GRXCR1: variants seen among roughly 807,000 people sequenced by gnomAD.
GRXCR1 encodes glutaredoxin and cysteine rich domain containing 1.
A neutral mutation model predicts 27.3 loss-of-function variants in GRXCR1; 27 were observed. The observed-to-expected ratio is 0.99, with a 90% CI of 0.73 to 1.37. The LOEUF is 1.37. GRXCR1 is among the 40% of genes most tolerant of loss of function. The pLI is 0.00. For synonymous variants in GRXCR1, 122 were observed against 131.1 expected (o/e 0.93, Z 0.47); for missense variants, 379 against 354.4 (o/e 1.07, Z -0.56).
chr4:43,030,323 T>A (rs1713385686), intron 3 of GRXCR1, 38 bp from the exon 4 acceptor site: 3 of 1,592,646 alleles, frequency 1.9e-6, no homozygotes, highest in African/African-American at 1.3e-5. Flanking sequence ...TGCTAACACA[T>A]CCTCTGTTTT....
intron 2 of GRXCR1, among the ~76,000 whole-genome samples, chr4:42,997,778 A>G (rs527897125): frequency 1.6e-4 from 25 of 152,134 alleles, no homozygotes; most frequent in African/African-American, 4.6e-4. Flanking sequence ...TGCTTTTTCC[A>G]TGGAAACCAC....
In GRXCR1 at chr4:42,993,983, C is replaced by T. The variant is rs75318035; in HGVS notation, c.628-26371C>T. 7.0e-3 allele frequency among the ~76,000 whole-genome samples: 1,063 copies of T among 152,122 alleles called. 17 individuals carry two copies. The highest frequency in any genetic ancestry group is 0.062 in the East Asian group (322 of 5,176). ...GATCGTAAGTCATTATTTGATAATGCCAGCACAAGGAGGCTTTGAAGTAAC... is the reference window on the plus strand; with the variant it reads ...GATCGTAAGTCATTATTTGATAATGTCAGCACAAGGAGGCTTTGAAGTAAC... On this transcript the variant is annotated intron_variant, in intron 2 of 3. Transcript: ENST00000399770.
At chr4:42,925,276 G>A (rs999644644) in intron 1 of GRXCR1, among the ~76,000 whole-genome samples, 1 of 151,972 alleles carries the variant, frequency 6.6e-6, no homozygotes, top group African/African-American at 2.4e-5. Context: ...GTGAAGAATT[G>A]GTTGGGGGGC....
At chr4:42,941,375 A>C (rs1266918836) in intron 1 of GRXCR1, among the ~76,000 whole-genome samples, 1 of 152,046 alleles carries the variant, frequency 6.6e-6, no homozygotes, top group Non-Finnish European at 1.5e-5. Flanking sequence ...GCTAAGTTTG[A>C]CTTTCAGAGG....
intron 1 of GRXCR1, among the ~76,000 whole-genome samples, chr4:42,935,851 A>T (rs1040073628): frequency 2.0e-5 from 3 of 151,956 alleles, no homozygotes; most frequent in Non-Finnish European, 4.4e-5. Context: ...CAAAAGTTGT[A>T]CAATGACCAT....
chr4:42,898,662 T>A (rs1436808484), intron 1 of GRXCR1, among the ~76,000 whole-genome samples: 1 of 152,100 alleles, frequency 6.6e-6, no homozygotes, highest in Non-Finnish European at 1.5e-5. Context: ...TTATGTGCAT[T>A]GATATTTATT....
At chr4:42,910,782 C>T (rs1213072873) in intron 1 of GRXCR1, among the ~76,000 whole-genome samples, 1 of 152,142 alleles carries the variant, frequency 6.6e-6, no homozygotes, top group Non-Finnish European at 1.5e-5. Context: ...TATACCAATA[C>T]AGGTATCCTA....
chr4:42,989,296 C>G (rs899241009), intron 2 of GRXCR1, among the ~76,000 whole-genome samples: 1 of 152,062 alleles, frequency 6.6e-6, no homozygotes, highest in Non-Finnish European at 1.5e-5. Flanking sequence ...GGTGTCCTCA[C>G]GTGGCCTTTT....
rs1746286616 is a variant in GRXCR1, at chr4:42,893,722, G to GCCTCTC, written c.384+72_384+73insCCTCTC. 89 of 1,440,914 alleles carry GCCTCTC rather than the reference G, an allele frequency of 6.2e-5. No individual in the cohort carries two copies. The South Asian group carries it at 9.5e-4, about 15-fold the overall frequency. The allele number at this position is 1,440,914 out of a possible 1,614,324, so 89.3% of individuals were successfully genotyped here. A position where few individuals can be genotyped will look rare whatever the true frequency, so the allele number is the denominator to read the frequency against. On this transcript the variant is annotated intron_variant, in intron 1 of 3. Coordinates refer to ENST00000399770, the MANE Select transcript of GRXCR1 (RefSeq NM_001080476.3). ...CATCTGAACACCTCTCAGTTCTCCA[G>GCCTCTC]TTAAAGCAAGCCTCTCTTATTTGCA...
At position 42,893,167 on chromosome 4, in the gene GRXCR1, A is replaced by G. The variant is rs1264396695; in HGVS notation, c.-100A>G. On this transcript the variant is annotated 5_prime_UTR_variant, in exon 1 of 4. Coordinates refer to ENST00000399770, the MANE Select transcript of GRXCR1 (RefSeq NM_001080476.3). Reference sequence around the variant, plus strand: ...ATGTTAGTTTCACAGGAGTGCTGCCATCACTAGAATTGGCTCTGATATTGC... The same window carrying G: ...ATGTTAGTTTCACAGGAGTGCTGCCGTCACTAGAATTGGCTCTGATATTGC... 6 of 1,272,872 alleles carry G rather than the reference A, an allele frequency of 4.7e-6. No individual in the cohort carries two copies. Among genetic ancestry groups the G allele is most frequent in the Admixed American group, 1.7e-5 (1 of 59,450 alleles). The allele number at this position is 1,272,872 out of a possible 1,614,324, so 78.8% of individuals were successfully genotyped here. A position where few individuals can be genotyped will look rare whatever the true frequency, so the allele number is the denominator to read the frequency against.
intron 2 of GRXCR1, among the ~76,000 whole-genome samples, chr4:43,001,340 C>T (rs1712350476): frequency 2.0e-5 from 3 of 152,018 alleles, no homozygotes; most frequent in African/African-American, 2.4e-5. Flanking sequence ...CCCATCGTGC[C>T]TCAGTAGATA....
intron 1 of GRXCR1, among the ~76,000 whole-genome samples, chr4:42,897,535 G>A (rs771247366): frequency 2.6e-5 from 4 of 151,928 alleles, no homozygotes; most frequent in South Asian, 4.2e-4. Context: ...GGATATTTCC[G>A]GTTAGTGTGA....
intron 1 of GRXCR1, among the ~76,000 whole-genome samples, chr4:42,896,954 T>G (rs1398677938): frequency 1.3e-5 from 2 of 151,644 alleles, no homozygotes; most frequent in Admixed American, 1.3e-4. Context: ...TCCAGAAATC[T>G]TACCAGGACA....
In GRXCR1 at chr4:42,982,791, T is replaced by C. The variant is rs1174098393; in HGVS notation, c.627+19657T>C. ...TATCTCATTGTGGTTTTGATTTGCA[T>C]TTCTCTGACGGCCAGTGATGATGAG... On this transcript the variant is annotated intron_variant, in intron 2 of 3. Coordinates refer to ENST00000399770, the MANE Select transcript of GRXCR1 (RefSeq NM_001080476.3). 1.9e-4 allele frequency among the ~76,000 whole-genome samples: 29 copies of C among 150,712 alleles called. No individual in the cohort carries two copies. The East Asian group carries it at 4.9e-3, about 26-fold the overall frequency.
At chr4:42,982,035 C>T (rs912168127) in intron 2 of GRXCR1, among the ~76,000 whole-genome samples, 1 of 148,560 alleles carries the variant, frequency 6.7e-6, no homozygotes, top group Non-Finnish European at 1.5e-5. Context: ...CTTTCCACCC[C>T]TTTGTCTTTC....
At chr4:42,978,336 C>G (rs1428568271) in intron 2 of GRXCR1, among the ~76,000 whole-genome samples, 1 of 151,896 alleles carries the variant, frequency 6.6e-6, no homozygotes, top group Non-Finnish European at 1.5e-5. Context: ...TTTTTAATTT[C>G]TGTGAAAAAT....
intron 2 of GRXCR1, among the ~76,000 whole-genome samples, chr4:43,007,281 C>T (rs746151566): frequency 6.6e-6 from 1 of 152,084 alleles, no homozygotes; most frequent in Non-Finnish European, 1.5e-5. Context: ...AGGAGCTGGG[C>T]TTGTTCTAGG....
intron 2 of GRXCR1, among the ~76,000 whole-genome samples, chr4:43,013,698 G>A (rs1287174765): frequency 6.6e-6 from 1 of 152,178 alleles, no homozygotes; most frequent in Non-Finnish European, 1.5e-5. Context: ...AGAATCTGGG[G>A]AAGCAGACAA....
Position 42,981,563 on chromosome 4 carries a change from A to G in GRXCR1, c.627+18429A>G, listed in dbSNP as rs190667322. 7.9e-5 allele frequency among the ~76,000 whole-genome samples: 12 copies of G among 152,234 alleles called. No individual in the cohort carries two copies. The East Asian group carries it at 1.7e-3, about 22-fold the overall frequency. ...ACTTTCAGATGTCTTTGTGTTACTC[A>G]TTAGTGTTCTTTTCTTTTAGCTTGA... On this transcript the variant is annotated intron_variant, in intron 2 of 3. Transcript: ENST00000399770.
Sources: allele counts gnomAD v4.1 joint callset (sites outside exome capture counted in the v4.1 genomes callset), GRCh38; gene constraint gnomAD v4.1.1; transcripts MANE v1.5; gene names NCBI Gene and HGNC (gene_info 2026-07-23, HGNC 2026-07-21).